Variants in KCNAB1 observed in about 807,000 individuals in gnomAD.
KCNAB1 encodes voltage-gated potassium channel subunit beta-1.
Under a neutral mutation model 64.6 loss-of-function variants are expected in KCNAB1, and 35 were observed. The observed-to-expected ratio is 0.54, with a 90% CI of 0.41 to 0.72. The LOEUF is 0.72. Among genes scored for constraint, KCNAB1 ranks in the 30% least tolerant of loss-of-function variants. KCNAB1 has a pLI of 0.00. For synonymous variants in KCNAB1, 177 were observed against 183.8 expected (o/e 0.96, Z 0.30); for missense variants, 401 against 512.9 (o/e 0.78, Z 2.11).
At chr3:156,531,364 A>G in intron 12 of KCNAB1, 45 bp from the exon 13 acceptor site, 2 of 1,387,950 alleles carry the variant, frequency 1.4e-6, no homozygotes, top group Non-Finnish European at 2.1e-6. Flanking sequence ...CTAATCAACG[A>G]TTGGAAGTGC....
At chr3:156,484,369 AAG>A (rs1181534223) in intron 8 of KCNAB1, among the ~76,000 whole-genome samples, 2 of 151,606 alleles carry the variant, frequency 1.3e-5, no homozygotes, top group African/African-American at 4.8e-5. Flanking sequence ...GTTAAGAAAA[AAG>A]AGAGAGAGAG....
intron 1 of KCNAB1, among the ~76,000 whole-genome samples, chr3:156,310,689 A>C (rs111895057): frequency 0.031 from 4,680 of 152,234 alleles, 211 homozygotes; most frequent in African/African-American, 0.095. Flanking sequence ...CTGTATTCCC[A>C]GCTACTCGGG....
chr3:156,143,399 C>A (rs748956007), intron 1 of KCNAB1: 11 of 1,593,754 alleles, frequency 6.9e-6, no homozygotes, highest in Non-Finnish European at 9.4e-6. Context: ...ACCACCAGAG[C>A]AGAGACGGGC....
chr3:156,418,155 T>C (rs1033763332), intron 1 of KCNAB1, among the ~76,000 whole-genome samples: 1 of 152,230 alleles, frequency 6.6e-6, no homozygotes, highest in Non-Finnish European at 1.5e-5. Context: ...CAATTTTGAA[T>C]CAAATGGAAA....
chr3:156,160,577 G>A (rs1464346943), intron 1 of KCNAB1, among the ~76,000 whole-genome samples: 1 of 152,130 alleles, frequency 6.6e-6, no homozygotes, highest in Non-Finnish European at 1.5e-5. Context: ...AAAAACTGTT[G>A]AAGGATTCTT....
chr3:156,446,344 G>C (rs1402980139), intron 2 of KCNAB1, among the ~76,000 whole-genome samples: 2 of 152,138 alleles, frequency 1.3e-5, no homozygotes, highest in Non-Finnish European at 2.9e-5. Context: ...ACTCCTCTTT[G>C]GGGGTTATAC....
chr3:156,452,883 AT>A lies in KCNAB1; in HGVS notation c.320-13del. The A allele has an allele frequency of 6.4e-7, 1 of 1,565,060 alleles. No individual in the cohort carries two copies. Among genetic ancestry groups the A allele is most frequent in the South Asian group, 1.2e-5 (1 of 86,430 alleles). ...AAATGATGATGAATAATATGCAAAT[AT>A]TTATTATTTTCTAGGAACATGGGTG... On this transcript the variant is annotated splice_polypyrimidine_tract_variant and intron_variant, in intron 2 of 13. Transcript: ENST00000490337. This position sits in a 1 kb window ranked among gnomAD's most constrained non-coding sequence, Gnocchi z 4.6.
At chr3:156,340,362 C>T (rs1473871867) in intron 1 of KCNAB1, among the ~76,000 whole-genome samples, 1 of 152,248 alleles carries the variant, frequency 6.6e-6, no homozygotes, top group Non-Finnish European at 1.5e-5. Flanking sequence ...CAAATTCCCA[C>T]TACACCTCTC....
intron 1 of KCNAB1, among the ~76,000 whole-genome samples, chr3:156,269,853 T>C (rs549339275): frequency 1.3e-5 from 2 of 151,966 alleles, no homozygotes; most frequent in Non-Finnish European, 2.9e-5. Context: ...TTATTTTCAG[T>C]CTATGTATGT....
chr3:156,302,913 T>A (rs1339139019), intron 1 of KCNAB1, among the ~76,000 whole-genome samples: 1 of 152,194 alleles, frequency 6.6e-6, no homozygotes, highest in Non-Finnish European at 1.5e-5. Flanking sequence ...ATAGAACTTC[T>A]TTCTAGCACT....
At position 156,190,334 on chromosome 3, in the gene KCNAB1, TA is replaced by T. The variant is rs562318171; in HGVS notation, c.275+69454del. ...TTTTTTTCTTATTCTGTATTAAACA[TA>T]AAAAACTTAGCTCTAAATATAATTG... is the stretch of plus-strand genomic sequence containing the variant. On this transcript the variant is annotated intron_variant, in intron 1 of 13. Transcript: ENST00000490337. 2.0e-3 allele frequency among the ~76,000 whole-genome samples: 298 copies of T among 152,152 alleles called. 2 individuals are homozygous for T. Among genetic ancestry groups the T allele is most frequent in the African/African-American group, 6.7e-3 (277 of 41,510 alleles).
intron 1 of KCNAB1, among the ~76,000 whole-genome samples, chr3:156,219,445 C>T (rs554122407): frequency 1.2e-4 from 18 of 151,952 alleles, no homozygotes; most frequent in Middle Eastern, 3.4e-3. Context: ...ACAAAACCTC[C>T]GAGAAATTTG....
chr3:156,170,604 A>G (rs1338297001), intron 1 of KCNAB1, among the ~76,000 whole-genome samples: 1 of 152,196 alleles, frequency 6.6e-6, no homozygotes, highest in Non-Finnish European at 1.5e-5. Flanking sequence ...CCTGTTTTGC[A>G]GTGCATGGTT....
rs1056906843 is a variant in KCNAB1 at position 156,315,012 on chromosome 3, T to TA, written c.276-106594dup. 9.8e-4 allele frequency among the ~76,000 whole-genome samples: 147 copies of TA among 149,992 alleles called. 2 individuals are homozygous for TA. In the East Asian group the frequency reaches 0.023, roughly 23 times the overall value. On this transcript the variant is annotated intron_variant, in intron 1 of 13. Transcript: ENST00000490337. Reference sequence around the variant, plus strand: ...CTGGGTGACAGAAGGAGACTCCATCTAAAAAAAAAATTATATTGCAACATT... The same window carrying TA: ...CTGGGTGACAGAAGGAGACTCCATCTAAAAAAAAAAATTATATTGCAACATT...
chr3:156,329,322 T>C (rs1308405613), intron 1 of KCNAB1, among the ~76,000 whole-genome samples: 4 of 151,846 alleles, frequency 2.6e-5, no homozygotes, highest in East Asian at 1.9e-4. Flanking sequence ...GATGGAGAAG[T>C]AGGAAACAAG....
intron 1 of KCNAB1, among the ~76,000 whole-genome samples, chr3:156,250,540 T>A (rs140039682): frequency 6.6e-6 from 1 of 152,292 alleles, no homozygotes; most frequent in Non-Finnish European, 1.5e-5. Flanking sequence ...TGTCCCCAAA[T>A]GTATGGTGTA....
intron 8 of KCNAB1, among the ~76,000 whole-genome samples, chr3:156,476,607 C>G (rs937830352): frequency 1.3e-5 from 2 of 151,758 alleles, no homozygotes; most frequent in South Asian, 2.1e-4. Context: ...ATATATATAT[C>G]TCACAGTTTC....
chr3:156,341,057 T>C (rs1446682506), intron 1 of KCNAB1, among the ~76,000 whole-genome samples: 6 of 152,218 alleles, frequency 3.9e-5, no homozygotes, highest in African/African-American at 1.2e-4. Flanking sequence ...ATGGAGCATA[T>C]TTTTACATTT....
chr3:156,305,296 A>G (rs1032242874), intron 1 of KCNAB1, among the ~76,000 whole-genome samples: 1 of 152,210 alleles, frequency 6.6e-6, no homozygotes, highest in Non-Finnish European at 1.5e-5. Flanking sequence ...TTGTATGTGC[A>G]TGGCTTCAAA....
Sources: gnomAD v4.1 joint callset for allele counts (sites outside exome capture counted in the v4.1 genomes callset) on GRCh38, gnomAD v4.1.1 for gene constraint, Gnocchi (gnomAD v3.1) non-coding constraint, MANE v1.5 for transcripts, NCBI Gene and HGNC (gene_info 2026-07-23, HGNC 2026-07-21) for gene names.